The following CSAG1 variants were observed in gnomAD, a reference collection of about 807,000 sequenced individuals.
CSAG1 encodes chondrosarcoma associated gene 1.
Under a neutral mutation model 4.8 loss-of-function variants are expected in CSAG1, and 4 were observed. The ratio of observed to expected loss-of-function variants is 0.83; its 90% CI spans 0.41 to 1.90. The LOEUF (loss-of-function observed/expected upper bound fraction) is 1.90, where lower values mean the gene tolerates loss of function less well. Ranked by LOEUF, CSAG1 falls within the 40% of genes most tolerant of loss-of-function variation. The probability of loss-of-function intolerance (pLI) is 0.03; values close to 1 mark genes in which losing one functional copy is unlikely to be tolerated. For synonymous variants in CSAG1, 21 were observed against 23.1 expected (o/e 0.91, Z 0.26); for missense variants, 69 against 59.5 (o/e 1.16, Z -0.53).
intron 2 of CSAG1, among the ~76,000 whole-genome samples, chrX:152,729,756 A>G (rs1932115367): frequency 9.0e-6 from 1 of 110,600 alleles, no homozygotes; most frequent in African/African-American, 3.3e-5. Flanking sequence ...AGAAACTCTC[A>G]TTCATAGCTC....
Position 152,727,882 on chromosome X carries a change from G to A in CSAG1, c.168-19C>T, listed in dbSNP as rs112479592. On this transcript the variant is annotated intron_variant, in intron 3 of 3. Transcript: ENST00000452779. ...TGGGAACCTGGAAAGCCAACAGGGA[G>A]ATCACAGGAGGGCACTGGTTTGGGG... 2 of 1,202,868 alleles carry A rather than the reference G, an allele frequency of 1.7e-6. No homozygotes were observed. Among genetic ancestry groups the A allele is most frequent in the African/African-American group, 3.5e-5 (2 of 56,705 alleles).
At chrX:152,730,710 A>C (rs1196902462) in intron 2 of CSAG1, among the ~76,000 whole-genome samples, 1 of 112,594 alleles carries the variant, frequency 8.9e-6, no homozygotes, top group African/African-American at 3.2e-5. Flanking sequence ...GACAATGGCA[A>C]GAGGCATTTG....
rs1556830574 is a variant in CSAG1 at position 152,727,830 on chromosome X, G to C, written c.201C>G (p.Pro67=). 8.3e-7 allele frequency: 1 copy of C among 1,211,139 alleles called. No homozygotes were observed. The highest frequency in any genetic ancestry group is 1.8e-5 in the South Asian group (1 of 56,937). Residue 67 remains proline (P), a synonymous_variant, in exon 4 of 4, where the codon CCC becomes CCG. Transcript: ENST00000452779. ...FPRQPRREKG[P]VKEVPGTKGS... is the part of the protein sequence containing the mutation. ...CTTTTGTTCCTGGAACTTCCTTGAC[G>C]GGTCCCTTTTCCCTTCTGGGTTGTC...
intron 2 of CSAG1, among the ~76,000 whole-genome samples, chrX:152,731,821 A>G (rs1932161874): frequency 8.9e-6 from 1 of 112,383 alleles, no homozygotes; most frequent in African/African-American, 3.2e-5. Context: ...CTTTTTAAAG[A>G]CATTTAATGA....
chrX:152,731,639 C>T (rs1183173237), intron 2 of CSAG1, among the ~76,000 whole-genome samples: 2 of 110,830 alleles, frequency 1.8e-5, no homozygotes, highest in Non-Finnish European at 3.8e-5. Context: ...GCTCCCTTAC[C>T]TAGCAGTAAA....
intron 1 of CSAG1, among the ~76,000 whole-genome samples, 153 bp from the exon 2 acceptor site, chrX:152,732,657 C>T (rs1932186134): frequency 1.8e-5 from 2 of 112,519 alleles, no homozygotes; most frequent in Non-Finnish European, 3.8e-5. Context: ...AGGGGGTTAG[C>T]GGCAGGGATG....
chrX:152,728,259 G>A, intron 2 of CSAG1, 35 bp from the exon 3 acceptor site: 1 of 1,183,049 alleles, frequency 8.5e-7, no homozygotes, highest in Non-Finnish European at 1.2e-6. Context: ...TGTTAGTCTT[G>A]TGGTAGAATT....
chrX:152,730,333 C>G (rs1275785061), intron 2 of CSAG1, among the ~76,000 whole-genome samples: 31 of 111,887 alleles, frequency 2.8e-4, no homozygotes, highest in African/African-American at 9.3e-4. Flanking sequence ...AATGGTGGTT[C>G]CGTGCTTGCT....
At chrX:152,730,171 T>C (rs1413104510) in intron 2 of CSAG1, among the ~76,000 whole-genome samples, 15 of 109,405 alleles carry the variant, frequency 1.4e-4, no homozygotes, top group Non-Finnish European at 2.9e-4. Context: ...GAAACGAGTC[T>C]AAAAAGGCTA....
chrX:152,730,414 G>A (rs1391202358), intron 2 of CSAG1, among the ~76,000 whole-genome samples: 11 of 111,717 alleles, frequency 9.8e-5, no homozygotes, highest in African/African-American at 2.9e-4. Context: ...TAGGTAGAAG[G>A]TGGGGTATTT....
intron 2 of CSAG1, among the ~76,000 whole-genome samples, chrX:152,728,833 T>G (rs1602867146): frequency 9.0e-6 from 1 of 111,016 alleles, no homozygotes; most frequent in East Asian, 2.8e-4. Flanking sequence ...AGCGAGCTCA[T>G]GCAGGCACAA....
chrX:152,733,344 A>G (rs1348507773), intron 1 of CSAG1: 2 of 111,838 alleles, frequency 1.8e-5, no homozygotes, highest in African/African-American at 6.5e-5. Flanking sequence ...CTGAGGGTCC[A>G]CCCTCCCCCA....
intron 1 of CSAG1, 117 bp from the exon 2 acceptor site, chrX:152,732,621 T>G: frequency 2.2e-6 from 2 of 895,509 alleles, no homozygotes; most frequent in Admixed American, 2.6e-5. Context: ...CTGGTACTTG[T>G]GTGTGACACT....
In CSAG1 at chrX:152,731,826, T is replaced by A. The variant is rs188306758; in HGVS notation, c.16+619A>T. Among the ~76,000 whole-genome samples, 6 of 112,361 alleles carry A rather than the reference T, an allele frequency of 5.3e-5. No individual in the cohort carries two copies. In the East Asian group the frequency reaches 1.7e-3, roughly 31 times the overall value. ...ACAGAAAAAGCTTTTTAAAGACATT[T>A]AATGAGTTTATGGAAAAAAGAAAAT... On this transcript the variant is annotated intron_variant, in intron 2 of 3. Coordinates refer to ENST00000452779, the MANE Select transcript of CSAG1 (RefSeq NM_001102576.3).
chrX:152,732,787 G>C (rs1556227755), intron 1 of CSAG1, among the ~76,000 whole-genome samples: 1 of 112,199 alleles, frequency 8.9e-6, no homozygotes, highest in Admixed American at 9.4e-5. Flanking sequence ...ACGATGCCAA[G>C]AGCCCTAGGT....
In CSAG1 at chrX:152,727,569, T is replaced by C. The variant is rs1932039078; in HGVS notation, c.*225A>G. ...AACGTACTCTACACCCTGTTGGCTA[T>C]TTATCTGGGGTTAGACTTCTGGAGA... On this transcript the variant is annotated 3_prime_UTR_variant, in exon 4 of 4. Transcript: ENST00000452779. 2.4e-5 allele frequency: 11 copies of C among 460,563 alleles called. No homozygotes were observed. In the South Asian group the frequency reaches 3.6e-4, roughly 15 times the overall value. The allele number at this position is 460,563 out of a possible 1,213,427, so 38.0% of individuals were successfully genotyped here.
rs1296536723 is a variant in CSAG1, at chrX:152,727,577, G to A, written c.*217C>T. On this transcript the variant is annotated 3_prime_UTR_variant, in exon 4 of 4. Transcript: ENST00000452779. ...CTACACCCTGTTGGCTATTTATCTG[G>A]GGTTAGACTTCTGGAGACTTTTCAG... 6 of 472,288 alleles carry A rather than the reference G, an allele frequency of 1.3e-5. No homozygotes were observed. Among genetic ancestry groups the A allele is most frequent in the Non-Finnish European group, 1.9e-5 (5 of 268,463 alleles). The allele number at this position is 472,288 out of a possible 1,213,427, so 38.9% of individuals were successfully genotyped here. A position where few individuals can be genotyped will look rare whatever the true frequency, so the allele number is the denominator to read the frequency against.
intron 2 of CSAG1, among the ~76,000 whole-genome samples, chrX:152,729,735 T>C (rs1932114750): frequency 9.1e-6 from 1 of 110,364 alleles, no homozygotes; most frequent in African/African-American, 3.3e-5. Flanking sequence ...CCAGGGAAGA[T>C]GTGGAGCAAC....
chrX:152,732,634 C>T (rs1273314542), intron 1 of CSAG1, 130 bp from the exon 2 acceptor site: 4 of 826,537 alleles, frequency 4.8e-6, no homozygotes, highest in East Asian at 6.7e-5. Context: ...GTGACACTTG[C>T]CGTGTCGGTT....
Sources: allele counts gnomAD v4.1 joint callset (sites outside exome capture counted in the v4.1 genomes callset), GRCh38; gene constraint gnomAD v4.1.1; transcripts MANE v1.5; gene names NCBI Gene and HGNC (gene_info 2026-07-23, HGNC 2026-07-21).